The following HAVCR1 variants were observed in gnomAD, a reference collection of about 807,000 sequenced individuals.
HAVCR1 encodes the protein T cell immunoglobin domain and mucin domain protein 1.
Under a neutral mutation model 32.0 loss-of-function variants are expected in HAVCR1, and 34 were observed. That is an observed-to-expected ratio of 1.06 (90% CI 0.81 to 1.42). The LOEUF is 1.42. Among genes scored for constraint, HAVCR1 ranks in the 40% most tolerant of loss-of-function variants. The pLI is 0.00. For missense variants in HAVCR1, 420 were observed against 442.3 expected (o/e 0.95, Z 0.45); for synonymous variants, 178 against 170.3 (o/e 1.05, Z -0.35).
chr5:157,039,541 G>C (rs761854636), intron 6 of HAVCR1, among the ~76,000 whole-genome samples: 13 of 151,996 alleles, frequency 8.6e-5, no homozygotes, highest in African/African-American at 1.7e-4. Flanking sequence ...TACAGAGGAG[G>C]TTTCATCATA....
chr5:157,038,686 T>C (rs1031580051), intron 6 of HAVCR1, among the ~76,000 whole-genome samples: 3 of 152,196 alleles, frequency 2.0e-5, no homozygotes, highest in African/African-American at 7.2e-5. Context: ...GTTATTACTT[T>C]ACCTACAGGG....
chr5:157,042,590 T>C, intron 6 of HAVCR1, 37 bp downstream of exon 6: 1 of 1,300,422 alleles, frequency 7.7e-7, no homozygotes, highest in Non-Finnish European at 1.1e-6. Flanking sequence ...GATATACAAG[T>C]GAATCTGGCT....
intron 6 of HAVCR1, among the ~76,000 whole-genome samples, chr5:157,040,536 C>T (rs1248936498): frequency 6.6e-6 from 1 of 152,208 alleles, no homozygotes; most frequent in Non-Finnish European, 1.5e-5. Flanking sequence ...ACTAAATAGC[C>T]CCACTTTGAT....
At chr5:157,030,307 A>G (rs1426717469) in intron 8 of HAVCR1, among the ~76,000 whole-genome samples, 1 of 152,214 alleles carries the variant, frequency 6.6e-6, no homozygotes, top group Non-Finnish European at 1.5e-5. Flanking sequence ...TAAAAACAGA[A>G]CAGAGAAACA....
intron 7 of HAVCR1, among the ~76,000 whole-genome samples, chr5:157,033,796 C>T (rs1353401228): frequency 1.3e-5 from 2 of 152,248 alleles, no homozygotes; most frequent in African/African-American, 4.8e-5. Context: ...GGTGCAGTGG[C>T]TCATGCCTGC....
At chr5:157,037,606 T>C (rs958883476) in intron 6 of HAVCR1, among the ~76,000 whole-genome samples, 2 of 152,234 alleles carry the variant, frequency 1.3e-5, no homozygotes, top group African/African-American at 2.4e-5. Flanking sequence ...TGTATTTACA[T>C]AGGTGTACAC....
the HAVCR1 span, among the ~76,000 whole-genome samples, chr5:157,066,055 T>TTAAAAAAAAAAAAAAAAAA: frequency 1.5e-5 from 1 of 66,936 alleles, no homozygotes; most frequent in Non-Finnish European, 2.7e-5. Context: ...GACTCCGTCT[T>TTAAAAAAAAAAAAAAAAAA]AAAAAAAAAA....
At chr5:157,039,675 G>T (rs115065564) in intron 6 of HAVCR1, among the ~76,000 whole-genome samples, 3 of 152,166 alleles carry the variant, frequency 2.0e-5, no homozygotes, top group Admixed American at 1.3e-4. Flanking sequence ...ACGGCAATAC[G>T]TGCACATGCT....
chr5:157,037,546 C>T (rs780999753), intron 6 of HAVCR1, among the ~76,000 whole-genome samples, 185 bp from the exon 7 acceptor site: 6 of 152,258 alleles, frequency 3.9e-5, no homozygotes, highest in African/African-American at 9.6e-5. Flanking sequence ...CAACTTGAAA[C>T]GCAAAACATA....
At chr5:157,068,248 T>C in the HAVCR1 span, among the ~76,000 whole-genome samples, 4 of 152,120 alleles carry the variant, frequency 2.6e-5, no homozygotes, top group African/African-American at 9.6e-5. Context: ...CACCCCAGCC[T>C]GGGTGACAGA....
upstream of HAVCR1, among the ~76,000 whole-genome samples, chr5:157,061,004 T>C (rs1756478398): frequency 6.6e-6 from 1 of 152,028 alleles, no homozygotes; most frequent in Non-Finnish European, 1.5e-5. Flanking sequence ...TTTAAGTGAT[T>C]CTCTTGCCAC....
At chr5:157,044,971 A>ATGTG (rs904188105) in intron 5 of HAVCR1, among the ~76,000 whole-genome samples, 1 of 151,706 alleles carries the variant, frequency 6.6e-6, no homozygotes, top group East Asian at 1.9e-4. Context: ...TTATGTGTGT[A>ATGTG]TGTGTGTGTG....
At chr5:157,034,778 A>T (rs1194184875) in intron 7 of HAVCR1, among the ~76,000 whole-genome samples, 2 of 149,236 alleles carry the variant, frequency 1.3e-5, no homozygotes, top group Admixed American at 1.4e-4. Context: ...CACATTTTTA[A>T]CAAAGCACCT....
intron 4 of HAVCR1, among the ~76,000 whole-genome samples, chr5:157,051,976 C>G (rs1755764173): frequency 6.6e-6 from 1 of 152,210 alleles, no homozygotes; most frequent in Non-Finnish European, 1.5e-5. Flanking sequence ...CTTCAGAGCT[C>G]TTCGTGAGGA....
intron 4 of HAVCR1, among the ~76,000 whole-genome samples, chr5:157,051,979 C>A (rs367668242): frequency 2.0e-5 from 3 of 152,234 alleles, no homozygotes; most frequent in Non-Finnish European, 4.4e-5. Context: ...CAGAGCTCTT[C>A]GTGAGGACAC....
At chr5:157,057,445 AAGAAAGAAAGAAAG>A (rs1756265840) in intron 2 of HAVCR1, among the ~76,000 whole-genome samples, 9 of 127,288 alleles carry the variant, frequency 7.1e-5, no homozygotes, top group African/African-American at 2.5e-4. Context: ...GAAAGAAAGA[AAGAAAGAAAGAAAG>A]AAAGAGAATT....
intron 5 of HAVCR1, among the ~76,000 whole-genome samples, chr5:157,044,619 A>AAGAAAGAAAGAGAG (rs1561591187): frequency 3.0e-5 from 1 of 33,440 alleles, no homozygotes; most frequent in African/African-American, 9.4e-5. Context: ...AAGAAAGAGA[A>AAGAAAGAAAGAGAG]AGAAAGAAAG....
chr5:157,051,545 T>A (rs1755738704), intron 4 of HAVCR1, among the ~76,000 whole-genome samples: 1 of 152,158 alleles, frequency 6.6e-6, no homozygotes, highest in African/African-American at 2.4e-5. Context: ...TTTTTCTTTC[T>A]CTTTTCTTTC....
chr5:157,032,311 G>A (rs1754225717), intron 8 of HAVCR1, among the ~76,000 whole-genome samples: 2 of 152,152 alleles, frequency 1.3e-5, no homozygotes, highest in African/African-American at 2.4e-5. Flanking sequence ...CGGAGGTCAG[G>A]AGTTTGAAAC....
Sources: allele counts gnomAD v4.1 joint callset (sites outside exome capture counted in the v4.1 genomes callset), GRCh38; gene constraint gnomAD v4.1.1; transcripts MANE v1.5; gene names NCBI Gene and HGNC (gene_info 2026-07-23, HGNC 2026-07-21).